Variants in ALK observed in about 807,000 individuals in gnomAD.
ALK encodes the protein ALK tyrosine kinase receptor.
A neutral mutation model predicts 163.1 loss-of-function variants in ALK; 74 were observed. That is an observed-to-expected ratio of 0.45 (90% CI 0.38 to 0.55). ALK has a LOEUF of 0.55. ALK is among the 20% of genes least tolerant of loss of function. The pLI is 0.00. For missense variants in ALK, 2,063 were observed against 2,105.3 expected (o/e 0.98, Z 0.39); for synonymous variants, 960 against 843.2 (o/e 1.14, Z -2.40).
intron 1 of ALK, among the ~76,000 whole-genome samples, chr2:29,873,382 A>G (rs1349633050): frequency 6.6e-6 from 1 of 152,200 alleles, no homozygotes; most frequent in Non-Finnish European, 1.5e-5. Flanking sequence ...TTCTGAAGCC[A>G]GGTCAGCACA....
chr2:29,808,529 T>C (rs1432314169), intron 1 of ALK, among the ~76,000 whole-genome samples: 1 of 152,168 alleles, frequency 6.6e-6, no homozygotes, highest in East Asian at 1.9e-4. Context: ...ATCAATTTCC[T>C]AGATCCCTGG....
intron 23 of ALK, among the ~76,000 whole-genome samples, chr2:29,216,415 C>T (rs1441825025): frequency 3.9e-5 from 6 of 152,072 alleles, no homozygotes; most frequent in East Asian, 3.9e-4. Context: ...ACTCAGGATG[C>T]GAGGGCCATA....
rs766541301 is a variant in ALK, at chr2:29,239,817, C to T, written c.2218G>A (p.Gly740Arg). ...ATDTYSISGY[G>R]AAGGKGGKNT... ...TTCCCGCCTTTCCCGCCAGCAGCTC[C>T]GTAGCCCGAGATGCTGCAATGGGAC... Residue 740 changes from glycine (G) to arginine (R), a missense_variant, in exon 13 of 29, where the codon GGA (glycine) becomes AGA (arginine). By Grantham distance (125) the Gly-to-Arg change is moderately radical. Around this residue, in one of 5 missense-constraint regions of ALK, gnomAD observed 15 missense variants for 33.5 expected, o/e 0.45. Coordinates refer to ENST00000389048, the MANE Select transcript of ALK (RefSeq NM_004304.5). The T allele has an allele frequency of 4.3e-6, 7 of 1,613,582 alleles. No individual in the cohort carries two copies. Among genetic ancestry groups the T allele is most frequent in the South Asian group, 1.1e-5 (1 of 91,076 alleles).
intron 9 of ALK, among the ~76,000 whole-genome samples, chr2:29,285,155 G>A (rs1665819321): frequency 6.6e-6 from 1 of 152,190 alleles, no homozygotes; most frequent in African/African-American, 2.4e-5. Flanking sequence ...TCACACTGAG[G>A]CTCCAATCAC....
At chr2:29,918,493 C>G (rs1667893786) in intron 1 of ALK, among the ~76,000 whole-genome samples, 1 of 152,240 alleles carries the variant, frequency 6.6e-6, no homozygotes, top group African/African-American at 2.4e-5. Context: ...ACTGAAGGCA[C>G]TATCAAACTC....
At chr2:29,369,299 C>T (rs1036140603) in intron 5 of ALK, among the ~76,000 whole-genome samples, 8 of 142,792 alleles carry the variant, frequency 5.6e-5, no homozygotes, top group African/African-American at 1.4e-4. Flanking sequence ...TGTGTGCACA[C>T]GTGCATATTT....
chr2:29,531,776 G>A, intron 4 of ALK, 139 bp downstream of exon 4: 1 of 875,392 alleles, frequency 1.1e-6, no homozygotes, highest in Non-Finnish European at 1.8e-6. Flanking sequence ...AGGGATATTA[G>A]TAGTAATTGC....
intron 3 of ALK, among the ~76,000 whole-genome samples, chr2:29,580,054 G>A (rs1213233828): frequency 6.6e-6 from 1 of 152,166 alleles, no homozygotes; most frequent in Non-Finnish European, 1.5e-5. Flanking sequence ...TTATAACGCA[G>A]AAATTGGCTC....
At chr2:29,635,227 T>A (rs1056202896) in intron 3 of ALK, among the ~76,000 whole-genome samples, 9 of 152,188 alleles carry the variant, frequency 5.9e-5, no homozygotes, top group Non-Finnish European at 1.2e-4. Context: ...TATAGGTTTG[T>A]AACAGGATGA....
chr2:29,332,025 A>G (rs912508429), intron 5 of ALK, among the ~76,000 whole-genome samples: 2 of 151,962 alleles, frequency 1.3e-5, no homozygotes, highest in African/African-American at 2.4e-5. Flanking sequence ...GGTAGCTCAC[A>G]CCTGTAATCC....
intron 19 of ALK, chr2:29,224,013 C>T (rs1392272856): frequency 3.7e-6 from 1 of 273,698 alleles, no homozygotes; most frequent in Non-Finnish European, 7.0e-6. Flanking sequence ...TCAGCAAGGC[C>T]CTAAGGGGTT....
At chr2:29,566,164 T>A (rs1354784961) in intron 3 of ALK, among the ~76,000 whole-genome samples, 1 of 152,160 alleles carries the variant, frequency 6.6e-6, no homozygotes, top group Non-Finnish European at 1.5e-5. Flanking sequence ...TTATGAGCGG[T>A]CCAATTTATT....
chr2:29,214,799 C>T (rs925607982), intron 23 of ALK, among the ~76,000 whole-genome samples: 3 of 152,154 alleles, frequency 2.0e-5, no homozygotes, highest in Admixed American at 6.5e-5. Context: ...AAATCCCTGA[C>T]GTGTGCGGCA....
At chr2:29,507,480 T>C (rs751973190) in intron 4 of ALK, among the ~76,000 whole-genome samples, 2 of 152,212 alleles carry the variant, frequency 1.3e-5, no homozygotes, top group African/African-American at 2.4e-5. Flanking sequence ...AATGTGAATG[T>C]ACTTTAACAC....
At chr2:29,766,381 C>T (rs1680862944) in intron 1 of ALK, among the ~76,000 whole-genome samples, 2 of 152,162 alleles carry the variant, frequency 1.3e-5, no homozygotes, top group South Asian at 4.1e-4. Context: ...AGCATAGCTC[C>T]TTTCTCTCCC....
chr2:29,198,309 C>A (rs1261672134), intron 26 of ALK, among the ~76,000 whole-genome samples: 1 of 150,250 alleles, frequency 6.7e-6, no homozygotes, highest in Non-Finnish European at 1.5e-5. Flanking sequence ...TTTAACATGC[C>A]CAAATGGAAC....
chr2:29,513,064 G>A (rs1210730344), intron 4 of ALK, among the ~76,000 whole-genome samples: 3 of 151,636 alleles, frequency 2.0e-5, no homozygotes, highest in African/African-American at 7.3e-5. Flanking sequence ...CGTGAAAATG[G>A]CCATACTGCC....
At chr2:29,591,002 C>T (rs1049367613) in intron 3 of ALK, among the ~76,000 whole-genome samples, 4 of 129,790 alleles carry the variant, frequency 3.1e-5, no homozygotes, top group Non-Finnish European at 4.7e-5. Context: ...ACCTGGGAGG[C>T]GGAGCTTGCA....
chr2:29,461,261 T>C (rs932125194), intron 4 of ALK, among the ~76,000 whole-genome samples: 1 of 152,182 alleles, frequency 6.6e-6, no homozygotes, highest in African/African-American at 2.4e-5. Context: ...CAAGTGCTGA[T>C]GGAGAAGCTG....
Sources: gnomAD v4.1 joint callset for allele counts (sites outside exome capture counted in the v4.1 genomes callset) on GRCh38, gnomAD v4.1.1 for gene constraint, gnomAD v4.1.1 regional missense constraint, MANE v1.5 for transcripts, NCBI Gene and HGNC (gene_info 2026-07-23, HGNC 2026-07-21) for gene names.